MARCHF1: variants seen among roughly 807,000 people sequenced by gnomAD.
MARCHF1 encodes the protein E3 ubiquitin-protein ligase MARCHF1.
In MARCHF1, 40 loss-of-function variants were observed where a neutral mutation model predicts 54.2. The ratio of observed to expected loss-of-function variants is 0.74; its 90% confidence interval spans 0.57 to 0.96. The LOEUF is 0.96. Among genes scored for constraint, MARCHF1 ranks in the 40% least tolerant of loss-of-function variants. MARCHF1 has a pLI of 0.00. For synonymous variants in MARCHF1, 236 were observed against 236.3 expected, an observed-to-expected ratio of 1.00 and a Z score of 0.01; for missense variants, 586 against 656.5, an observed-to-expected ratio of 0.89 and a Z score of 1.17.
intron 4 of MARCHF1, among the ~76,000 whole-genome samples, chr4:163,821,508 C>T (rs1748691661): frequency 6.6e-6 from 1 of 151,832 alleles, no homozygotes; most frequent in Admixed American, 6.6e-5. Flanking sequence ...AAAGTAAAAT[C>T]ACTAACACTA....
intron 1 of MARCHF1, among the ~76,000 whole-genome samples, chr4:164,294,675 C>T (rs79843973): frequency 0.026 from 3,983 of 152,184 alleles, 102 homozygotes; most frequent in East Asian, 0.13. Flanking sequence ...TATTATACAT[C>T]ATAATTTAAT....
rs374967237 is a variant in MARCHF1, at chr4:163,798,446, C to G, written c.111+55575G>C. Among the ~76,000 whole-genome samples, 8 of 152,248 alleles carry G rather than the reference C, an allele frequency of 5.3e-5. No individual in the cohort carries two copies. The South Asian group carries it at 1.7e-3, about 32-fold the overall frequency. ...AGCAGAATAAGACAGAGAGCATTAT[C>G]AACATAATGTCTTTTTAAATTTGAT... On this transcript the variant is annotated intron_variant, in intron 4 of 9. Transcript: ENST00000514618.
intron 1 of MARCHF1, chr4:164,188,541 A>G (rs1731037970): frequency 1.4e-6 from 1 of 734,906 alleles, no homozygotes; most frequent in Non-Finnish European, 2.5e-6. Flanking sequence ...ATCACCGCCA[A>G]CAATCAGAGC....
At chr4:164,172,108 C>G (rs945367303) in intron 1 of MARCHF1, among the ~76,000 whole-genome samples, 2 of 152,150 alleles carry the variant, frequency 1.3e-5, no homozygotes, top group African/African-American at 4.8e-5. Flanking sequence ...CTCAGATCCT[C>G]CTTTCTTGGC....
intron 1 of MARCHF1, among the ~76,000 whole-genome samples, chr4:164,304,552 T>A (rs1734649951): frequency 6.6e-6 from 1 of 152,224 alleles, no homozygotes. Flanking sequence ...ATGTACAGTA[T>A]ATAAATTCTT....
At chr4:163,899,389 C>A (rs573868050) in intron 3 of MARCHF1, among the ~76,000 whole-genome samples, 11 of 152,164 alleles carry the variant, frequency 7.2e-5, no homozygotes, top group African/African-American at 2.2e-4. Context: ...TAGATTATTC[C>A]CTGTCTCTTT....
Position 163,588,331 on chromosome 4 carries a change from T to C in MARCHF1, c.1011-2402A>G, listed in dbSNP as rs377156630. ...CTCTCCAAACCTAGGCCTCAGAAAC[T>C]GGACTTGTTACACTTTGTGTCATGC... is the stretch of plus-strand genomic sequence containing the variant. On this transcript the variant is annotated intron_variant, in intron 7 of 9. Coordinates refer to ENST00000514618, the MANE Select transcript of MARCHF1 (RefSeq NM_001394959.1). 3.0e-4 allele frequency among the ~76,000 whole-genome samples: 46 copies of C among 152,316 alleles called. No homozygotes were observed. In the East Asian group the frequency reaches 6.7e-3, roughly 22 times the overall value.
At chr4:163,956,990 T>A (rs558157959) in intron 3 of MARCHF1, among the ~76,000 whole-genome samples, 15 of 152,052 alleles carry the variant, frequency 9.9e-5, no homozygotes, top group Non-Finnish European at 1.9e-4. Context: ...CAGAAAATGA[T>A]TTTTATTTTT....
At chr4:164,231,159 C>T (rs1196249323) in intron 1 of MARCHF1, among the ~76,000 whole-genome samples, 1 of 151,942 alleles carries the variant, frequency 6.6e-6, no homozygotes, top group Non-Finnish European at 1.5e-5. Flanking sequence ...ACCAATAACT[C>T]TATGTTGTTT....
At chr4:163,533,968 G>A (rs949441689) in intron 9 of MARCHF1, among the ~76,000 whole-genome samples, 2 of 151,300 alleles carry the variant, frequency 1.3e-5, no homozygotes, top group African/African-American at 4.9e-5. Flanking sequence ...TTATTTTATC[G>A]TCATCCTCAG....
Position 163,634,282 on chromosome 4 carries a change from A to C in MARCHF1, c.163-20889T>G, listed in dbSNP as rs1019206434. Among the ~76,000 whole-genome samples, 5 of 150,910 alleles carry C rather than the reference A, an allele frequency of 3.3e-5. No homozygotes were observed. The South Asian group carries it at 8.5e-4, about 26-fold the overall frequency. On this transcript the variant is annotated intron_variant, in intron 5 of 9. Coordinates refer to ENST00000514618, the MANE Select transcript of MARCHF1 (RefSeq NM_001394959.1). ...AAATGAAAATGGACTAAATGCTCCAATTAAAACACACAGACTGGCAAATTG... is the reference window on the plus strand; with the variant it reads ...AAATGAAAATGGACTAAATGCTCCACTTAAAACACACAGACTGGCAAATTG...
chr4:163,542,300 G>T (rs953793410), intron 9 of MARCHF1, among the ~76,000 whole-genome samples: 1 of 152,240 alleles, frequency 6.6e-6, no homozygotes, highest in Non-Finnish European at 1.5e-5. Flanking sequence ...TCCTTGTACA[G>T]TGTTGACCGG....
chr4:163,870,537 C>T lies in MARCHF1; in HGVS notation c.-38-16368G>A, dbSNP rs28451002. Among the ~76,000 whole-genome samples the T allele has an allele frequency of 4.1e-3, 622 of 152,098 alleles. 5 individuals carry two copies. The highest frequency in any genetic ancestry group is 0.013 in the African/African-American group (552 of 41,510). On this transcript the variant is annotated intron_variant, in intron 3 of 9. Transcript: ENST00000514618. ...AGATTCTGGAGTGCACATTTCTTTC[C>T]TAATTGCTATCACATTTACCTGACG...
chr4:163,759,743 C>G (rs540859361), intron 4 of MARCHF1, among the ~76,000 whole-genome samples: 1 of 152,166 alleles, frequency 6.6e-6, no homozygotes, highest in East Asian at 1.9e-4. Flanking sequence ...TTTATAAAAG[C>G]CAGAAGCCTG....
At chr4:164,261,020 T>C (rs1339171617) in intron 1 of MARCHF1, among the ~76,000 whole-genome samples, 1 of 152,130 alleles carries the variant, frequency 6.6e-6, no homozygotes, top group Admixed American at 6.5e-5. Flanking sequence ...TGTGACTGTG[T>C]CCTTAAATAA....
At chr4:164,003,638 T>C (rs749724151) in intron 2 of MARCHF1, among the ~76,000 whole-genome samples, 54 of 151,938 alleles carry the variant, frequency 3.6e-4, no homozygotes, top group Non-Finnish European at 4.7e-4. Flanking sequence ...CAAGAAACAA[T>C]GAATGCTGTG....
intron 3 of MARCHF1, among the ~76,000 whole-genome samples, chr4:163,949,747 C>G (rs1210434084): frequency 1.5e-5 from 2 of 133,578 alleles, no homozygotes; most frequent in Non-Finnish European, 3.2e-5. Flanking sequence ...CAGGCAGTGT[C>G]TGGAGTGTTT....
chr4:163,859,558 G>A (rs186372522), intron 3 of MARCHF1, among the ~76,000 whole-genome samples: 21 of 151,990 alleles, frequency 1.4e-4, no homozygotes, highest in Admixed American at 6.6e-4. Context: ...ACAGGATCTC[G>A]CCATGTTGGC....
chr4:163,778,577 T>A (rs947125120), intron 4 of MARCHF1, among the ~76,000 whole-genome samples: 6 of 152,142 alleles, frequency 3.9e-5, no homozygotes, highest in African/African-American at 1.2e-4. Flanking sequence ...CTATTTTTTT[T>A]AAAATCATGA....
Sources: gnomAD v4.1 joint callset for allele counts (sites outside exome capture counted in the v4.1 genomes callset) on GRCh38, gnomAD v4.1.1 for gene constraint, MANE v1.5 for transcripts, NCBI Gene and HGNC (gene_info 2026-07-23, HGNC 2026-07-21) for gene names.